PPARGC1B: variants seen among roughly 807,000 people sequenced by gnomAD.
PPARGC1B encodes the protein PPARG coactivator 1 beta, also known as peroxisome proliferator-activated receptor gamma coactivator 1-beta.
In PPARGC1B, 34 loss-of-function variants were observed where a neutral mutation model predicts 101.6. The observed-to-expected ratio is 0.33, with a 90% confidence interval of 0.25 to 0.45. PPARGC1B has a LOEUF of 0.45. PPARGC1B is among the 20% of genes least tolerant of loss of function. PPARGC1B has a pLI of 1.00. For synonymous variants in PPARGC1B, 548 were observed against 539.3 expected (o/e 1.02, Z -0.22); for missense variants, 1,234 against 1,317.6 (o/e 0.94, Z 0.98).
At chr5:149,809,728 T>C (rs1222012040) in intron 1 of PPARGC1B, among the ~76,000 whole-genome samples, 1 of 150,466 alleles carries the variant, frequency 6.6e-6, no homozygotes, top group African/African-American at 2.5e-5. Context: ...ATCAATTTCA[T>C]GTTATTTATA....
intron 1 of PPARGC1B, among the ~76,000 whole-genome samples, chr5:149,799,690 GTTGTTTTTTT>G (rs1554078134): frequency 4.6e-5 from 3 of 65,052 alleles, no homozygotes; most frequent in African/African-American, 1.6e-4. Flanking sequence ...TTTGCTTGTT[GTTGTTTTTTT>G]TTTTTTTTTT....
intron 1 of PPARGC1B, among the ~76,000 whole-genome samples, chr5:149,756,067 G>A (rs1755510544): frequency 6.6e-6 from 1 of 152,170 alleles, no homozygotes; most frequent in East Asian, 1.9e-4. Flanking sequence ...ACCCCTCTGA[G>A]GTAATGTAGG....
At position 149,771,890 on chromosome 5, in the gene PPARGC1B, G is replaced by A. The variant is rs1756145812; in HGVS notation, c.78+41470G>A. 7 of 755,850 alleles carry A rather than the reference G, an allele frequency of 9.3e-6. No individual in the cohort carries two copies. In the East Asian group the frequency reaches 2.4e-4, roughly 26 times the overall value. 46.8% of individuals were successfully genotyped at this position (755,850 alleles called of 1,614,324 possible). A position where few individuals can be genotyped will look rare whatever the true frequency, so the allele number is the denominator to read the frequency against. ...TCCCCACCATGGCCAATTTCATCCT[G>A]TTTAAGTGATGTCACTGAACGTTGT... On this transcript the variant is annotated intron_variant, in intron 1 of 11. Transcript: ENST00000309241.
At chr5:149,792,520 G>A (rs1296086710) in intron 1 of PPARGC1B, among the ~76,000 whole-genome samples, 1 of 152,166 alleles carries the variant, frequency 6.6e-6, no homozygotes, top group Non-Finnish European at 1.5e-5. Flanking sequence ...TTTCATTTAA[G>A]GAATGTGATT....
At chr5:149,814,984 A>G (rs1305576565) in intron 1 of PPARGC1B, among the ~76,000 whole-genome samples, 3 of 152,214 alleles carry the variant, frequency 2.0e-5, no homozygotes, top group African/African-American at 7.2e-5. Context: ...AACTTGCTGT[A>G]TGACTTGGGC....
intron 1 of PPARGC1B, among the ~76,000 whole-genome samples, chr5:149,748,580 C>G (rs556833885): frequency 1.3e-5 from 2 of 152,198 alleles, no homozygotes; most frequent in African/African-American, 4.8e-5. Context: ...TGGAAGGTGC[C>G]CAGGGCAGAG....
At chr5:149,741,322 G>A (rs11167478) in intron 1 of PPARGC1B, among the ~76,000 whole-genome samples, 1,660 of 152,310 alleles carry the variant, frequency 0.011, 89 homozygotes, top group Admixed American at 0.087. Flanking sequence ...GGCTGCTCGC[G>A]CCTTTATTTC....
At chr5:149,787,507 G>T (rs1756856872) in intron 1 of PPARGC1B, among the ~76,000 whole-genome samples, 1 of 152,190 alleles carries the variant, frequency 6.6e-6, no homozygotes, top group Non-Finnish European at 1.5e-5. Flanking sequence ...CATACCTTTT[G>T]CCGGTGTCTA....
rs1396505653 is a variant in PPARGC1B at position 149,830,039 on chromosome 5, AAAAAAAAAAAAAAAAG to A, written c.466-712_466-697del. On this transcript the variant is annotated intron_variant, in intron 3 of 11. Transcript: ENST00000309241. The stretch of plus-strand genomic sequence containing the variant: ...GACAGAGACTGCATCTCAAAAAAAA[AAAAAAAAAAAAAAAAG>A]AAAAAAAAAAAAAAACAGGGTGGGT... 4.0e-5 allele frequency among the ~76,000 whole-genome samples: 5 copies of A among 125,184 alleles called. No individual in the cohort carries two copies. The East Asian group carries it at 6.2e-4, about 16-fold the overall frequency. 82.1% of individuals were successfully genotyped at this position (125,184 alleles called of 152,430 possible).
At chr5:149,825,196 C>T (rs1758466129) in intron 2 of PPARGC1B, among the ~76,000 whole-genome samples, 1 of 152,250 alleles carries the variant, frequency 6.6e-6, no homozygotes, top group African/African-American at 2.4e-5. Context: ...GCTGGGGGAA[C>T]ACACGCCGAC....
rs536000570 is a variant in PPARGC1B at position 149,832,125 on chromosome 5, G to C, written c.583-531G>C. Among the ~76,000 whole-genome samples the C allele has an allele frequency of 6.6e-6, 1 of 152,078 alleles. No homozygotes were observed. The highest frequency in any genetic ancestry group is 1.9e-4 in the East Asian group (1 of 5,150). ...AGTTCAAGACCAGCCTGGCCAACGT[G>C]GTGAAACCTTGTCTCTACTAAAAAA... On this transcript the variant is annotated intron_variant, in intron 4 of 11. Transcript: ENST00000309241. This position sits in a 1 kb window ranked among gnomAD's most constrained non-coding sequence, Gnocchi z 4.9.
Position 149,826,821 on chromosome 5 carries a change from C to T in PPARGC1B, c.401C>T (p.Ala134Val). 6.2e-7 allele frequency: 1 copy of T among 1,613,890 alleles called. No individual in the cohort carries two copies. The highest frequency in any genetic ancestry group is 8.5e-7 in the Non-Finnish European group (1 of 1,179,822). ...CTSASPAPSS[A>V]PPSPAPEKPS... ...TCAGCTTCGCCTGCCCCCTCATCTG[C>T]ACCCCCCAGCCCTGCCCCGGAGAAG... is the stretch of plus-strand genomic sequence containing the variant. Residue 134 changes from alanine to valine, a missense_variant, in exon 3 of 12, where the codon GCA becomes GTA. Around this residue, in one of 3 missense-constraint regions of PPARGC1B, gnomAD observed 734 missense variants for 768.4 expected, o/e 0.96. Transcript: ENST00000309241.
intron 1 of PPARGC1B, among the ~76,000 whole-genome samples, chr5:149,798,723 C>T (rs1318503408): frequency 6.6e-6 from 1 of 152,174 alleles, no homozygotes; most frequent in Non-Finnish European, 1.5e-5. Flanking sequence ...TCCGACTACC[C>T]CTAACTTAGC....
chr5:149,747,195 C>G (rs1486853173), intron 1 of PPARGC1B, among the ~76,000 whole-genome samples: 2 of 152,156 alleles, frequency 1.3e-5, no homozygotes, highest in Admixed American at 1.3e-4. Context: ...AAGCCTTTGC[C>G]TGCTTTGTTT....
intron 1 of PPARGC1B, among the ~76,000 whole-genome samples, chr5:149,764,105 A>T (rs985274460): frequency 6.6e-6 from 1 of 152,238 alleles, no homozygotes; most frequent in African/African-American, 2.4e-5. Context: ...ACTCTCTAAA[A>T]GCCATGCACA....
chr5:149,822,730 G>A (rs1672629452), intron 2 of PPARGC1B, among the ~76,000 whole-genome samples: 1 of 152,228 alleles, frequency 6.6e-6, no homozygotes, highest in Non-Finnish European at 1.5e-5. Context: ...CAGACTGCAA[G>A]GTCCTTGGGG....
At chr5:149,758,475 T>A (rs1162783092) in intron 1 of PPARGC1B, among the ~76,000 whole-genome samples, 2 of 152,244 alleles carry the variant, frequency 1.3e-5, no homozygotes, top group Non-Finnish European at 2.9e-5. Flanking sequence ...TTATTATGAT[T>A]GTGTGTTTCA....
At chr5:149,745,290 G>A (rs944412552) in intron 1 of PPARGC1B, among the ~76,000 whole-genome samples, 3 of 152,130 alleles carry the variant, frequency 2.0e-5, no homozygotes, top group Admixed American at 6.5e-5. Context: ...AATGATAATA[G>A]GACTTACCTG....
intron 3 of PPARGC1B, 132 bp from the exon 4 acceptor site, chr5:149,830,635 A>G (rs566439029): frequency 4.3e-6 from 3 of 696,880 alleles, no homozygotes; most frequent in South Asian, 3.4e-5. Flanking sequence ...ATCCCAGGTC[A>G]TGGAATGCCC....
Sources: allele counts gnomAD v4.1 joint callset (sites outside exome capture counted in the v4.1 genomes callset), GRCh38; gene constraint gnomAD v4.1.1; regional missense constraint gnomAD v4.1.1; non-coding constraint Gnocchi (gnomAD v3.1); transcripts MANE v1.5; gene names NCBI Gene and HGNC (gene_info 2026-07-23, HGNC 2026-07-21).